Variants in INPP4B observed in about 807,000 individuals in gnomAD.
The protein encoded by INPP4B is inositol polyphosphate 4-phosphatase type II.
Under a neutral mutation model 122.5 loss-of-function variants are expected in INPP4B, and 55 were observed. That is an observed-to-expected ratio of 0.45 (90% CI 0.36 to 0.56). The LOEUF (loss-of-function observed/expected upper bound fraction) is 0.56, where lower values mean the gene tolerates loss of function less well. Ranked by LOEUF, INPP4B falls within the 20% of genes least tolerant of loss-of-function variation. The pLI is 0.00. For synonymous variants in INPP4B, 403 were observed against 388.7 expected (o/e 1.04, Z -0.43); for missense variants, 1,000 against 1,097.7 (o/e 0.91, Z 1.26).
chr4:142,495,545 G>A (rs1822436691), intron 2 of INPP4B, among the ~76,000 whole-genome samples: 2 of 151,856 alleles, frequency 1.3e-5, no homozygotes. Context: ...TGGTTTCTCT[G>A]TCCTCTGGTA....
rs189566260 is a variant in INPP4B at position 142,641,530 on chromosome 4, T to C, written c.-191+84309A>G. Among the ~76,000 whole-genome samples, 12 of 152,124 alleles carry C rather than the reference T, an allele frequency of 7.9e-5. No individual in the cohort carries two copies. In the East Asian group the frequency reaches 2.1e-3, roughly 27 times the overall value. On this transcript the variant is annotated intron_variant, in intron 2 of 25. Coordinates refer to ENST00000262992, the MANE Select transcript of INPP4B (RefSeq NM_001101669.3). ...TGAGAACATGCGGTGTTTGGTTTTT[T>C]ATCCTTGCGACAGTTTGCTGAGAAT...
chr4:142,363,708 A>G (rs1039360996), intron 7 of INPP4B, among the ~76,000 whole-genome samples: 2 of 152,076 alleles, frequency 1.3e-5, no homozygotes, highest in South Asian at 2.1e-4. Flanking sequence ...CTCTTATAGC[A>G]GGTAAAAGAA....
chr4:142,605,648 G>A (rs993843066), intron 2 of INPP4B, among the ~76,000 whole-genome samples: 2 of 151,722 alleles, frequency 1.3e-5, no homozygotes, highest in Non-Finnish European at 1.5e-5. Flanking sequence ...AAAAAAAAGG[G>A]GGCATATGAA....
intron 17 of INPP4B, among the ~76,000 whole-genome samples, chr4:142,159,529 G>C (rs1028580982): frequency 6.6e-5 from 10 of 151,100 alleles, no homozygotes; most frequent in Non-Finnish European, 2.9e-5. Context: ...TTAAATTCTA[G>C]GGTGGCAAGA....
At chr4:142,809,312 G>C (rs1367984719) in intron 1 of INPP4B, among the ~76,000 whole-genome samples, 2 of 152,042 alleles carry the variant, frequency 1.3e-5, no homozygotes, top group Non-Finnish European at 2.9e-5. Context: ...AAGACGTTAA[G>C]AGGACTAAAT....
chr4:142,765,254 C>G (rs576242341), intron 1 of INPP4B, among the ~76,000 whole-genome samples: 96 of 152,158 alleles, frequency 6.3e-4, no homozygotes, highest in African/African-American at 1.9e-3. Flanking sequence ...AGCATGGATC[C>G]AGAAGCACAG....
chr4:142,522,332 C>A, intron 2 of INPP4B, among the ~76,000 whole-genome samples: 2 of 80,114 alleles, frequency 2.5e-5, no homozygotes, highest in Admixed American at 1.9e-4. Flanking sequence ...TTCCTTCTTT[C>A]CCGCCCCCGC....
Position 142,154,149 on chromosome 4 carries a change from G to C in INPP4B, c.1563+6209C>G, listed in dbSNP as rs556524496. On this transcript the variant is annotated intron_variant, in intron 17 of 25. Coordinates refer to ENST00000262992, the MANE Select transcript of INPP4B (RefSeq NM_001101669.3). ...GATGGTGAGAGTGAATGCTTTGAGT[G>C]TTCCCTCCTCCTTTTAAGATTAACA... is the stretch of plus-strand genomic sequence containing the variant. Among the ~76,000 whole-genome samples, 8 of 151,826 alleles carry C rather than the reference G, an allele frequency of 5.3e-5. No homozygotes were observed. In the East Asian group the frequency reaches 1.6e-3, roughly 30 times the overall value.
At chr4:142,136,543 G>A (rs1370964232) in intron 18 of INPP4B, among the ~76,000 whole-genome samples, 1 of 152,200 alleles carries the variant, frequency 6.6e-6, no homozygotes, top group African/African-American at 2.4e-5. Context: ...CATGGGGAAA[G>A]CTTTGAAAGC....
chr4:142,315,236 G>A (rs1019166513), intron 7 of INPP4B, among the ~76,000 whole-genome samples: 3 of 146,824 alleles, frequency 2.0e-5, no homozygotes, highest in Non-Finnish European at 4.5e-5. Context: ...TATGTATTAT[G>A]TGTCAATTTT....
At chr4:142,043,574 G>A (rs1240937956) in intron 25 of INPP4B, among the ~76,000 whole-genome samples, 1 of 152,036 alleles carries the variant, frequency 6.6e-6, no homozygotes, top group South Asian at 2.1e-4. Flanking sequence ...AAGAAGAATG[G>A]CAGATGTATT....
At chr4:142,807,720 C>A (rs1206845061) in intron 1 of INPP4B, among the ~76,000 whole-genome samples, 1 of 152,140 alleles carries the variant, frequency 6.6e-6, no homozygotes, top group East Asian at 1.9e-4. Context: ...AAATTACACA[C>A]AGTGACTTTC....
intron 12 of INPP4B, among the ~76,000 whole-genome samples, chr4:142,229,284 A>T (rs1370799513): frequency 6.6e-6 from 1 of 152,136 alleles, no homozygotes; most frequent in Non-Finnish European, 1.5e-5. Context: ...GAAGGATGTC[A>T]GAATATACAT....
chr4:142,599,772 C>T (rs955254701), intron 2 of INPP4B, among the ~76,000 whole-genome samples: 1 of 151,416 alleles, frequency 6.6e-6, no homozygotes, highest in Admixed American at 6.6e-5. Context: ...AAAAATAATA[C>T]AAAGAAATCA....
At chr4:142,321,138 T>C (rs1247058992) in intron 7 of INPP4B, among the ~76,000 whole-genome samples, 1 of 152,192 alleles carries the variant, frequency 6.6e-6, no homozygotes, top group Non-Finnish European at 1.5e-5. Context: ...TATTATTTTT[T>C]TGATTTTTTA....
At chr4:142,130,434 G>T (rs1800710221) in intron 18 of INPP4B, among the ~76,000 whole-genome samples, 1 of 152,138 alleles carries the variant, frequency 6.6e-6, no homozygotes, top group Admixed American at 6.6e-5. Flanking sequence ...TCTAGGTATA[G>T]GCAGTCACCA....
chr4:142,537,429 T>TATATATATATAGAGAG lies in INPP4B; in HGVS notation c.-190-74704_-190-74703insCTCTCTATATATATAT, dbSNP rs1200701380. Among the ~76,000 whole-genome samples the TATATATATATAGAGAG allele has an allele frequency of 1.8e-3, 46 of 25,458 alleles. 1 individual carries two copies. The highest frequency in any genetic ancestry group is 3.5e-3 in the Non-Finnish European group (38 of 10,902). 16.7% of individuals were successfully genotyped at this position (25,458 alleles called of 152,430 possible). A position where few individuals can be genotyped will look rare whatever the true frequency, so the allele number is the denominator to read the frequency against. Reference sequence around the variant, plus strand: ...ATATATATATATATATATATATATATAGAGAGAGAGAGAGAGAGAGAGAGA... The same window carrying TATATATATATAGAGAG: ...ATATATATATATATATATATATATATATATATATATAGAGAGAGAGAGAGAGAGAGAGAGAGAGAGA... On this transcript the variant is annotated intron_variant, in intron 2 of 25. Coordinates refer to ENST00000262992, the MANE Select transcript of INPP4B (RefSeq NM_001101669.3).
At chr4:142,249,869 C>T (rs1056868653) in intron 11 of INPP4B, among the ~76,000 whole-genome samples, 1 of 152,152 alleles carries the variant, frequency 6.6e-6, no homozygotes, top group African/African-American at 2.4e-5. Context: ...CTACCATCTC[C>T]CCTTCTATAC....
At chr4:142,410,584 C>T (rs868047825) in intron 5 of INPP4B, among the ~76,000 whole-genome samples, 2 of 152,084 alleles carry the variant, frequency 1.3e-5, no homozygotes, top group African/African-American at 4.8e-5. Flanking sequence ...AGAGGAGAAA[C>T]CACATACCAT....
Sources: gnomAD v4.1 joint callset for allele counts (sites outside exome capture counted in the v4.1 genomes callset) on GRCh38, gnomAD v4.1.1 for gene constraint, MANE v1.5 for transcripts, NCBI Gene and HGNC (gene_info 2026-07-23, HGNC 2026-07-21) for gene names.